NF1: variants seen among roughly 807,000 people sequenced by gnomAD.
The protein encoded by NF1 is neurofibromin 1, also known as neurofibromin.
A neutral mutation model predicts 325.7 loss-of-function variants in NF1; 122 were observed. The ratio of observed to expected loss-of-function variants is 0.37; its 90% CI spans 0.32 to 0.44. The LOEUF (loss-of-function observed/expected upper bound fraction) is 0.44. Among genes scored for constraint, NF1 ranks in the 20% least tolerant of loss-of-function variants. NF1 has a pLI of 1.00. For synonymous variants in NF1, 1,091 were observed against 1,186.0 expected, an observed-to-expected ratio of 0.92 and a Z score of 1.65; for missense variants, 2,140 against 3,415.4, an observed-to-expected ratio of 0.63 and a Z score of 9.31.
At position 31,153,470 on chromosome 17, in the gene NF1, T is replaced by C. The variant is rs1917088219; in HGVS notation, c.61-2513T>C. Among the ~76,000 whole-genome samples the C allele has an allele frequency of 2.0e-5, 3 of 152,240 alleles. No homozygotes were observed. In the South Asian group the frequency reaches 6.2e-4, roughly 31 times the overall value. On this transcript the variant is annotated intron_variant, in intron 1 of 57. Coordinates refer to ENST00000358273, the MANE Select transcript of NF1 (RefSeq NM_001042492.3). ...ATTCATCTGCAAATTGCAATGAGCA[T>C]AACTACCCTCTGTTTTGGCTAATAT...
At chr17:31,330,208 C>G in intron 38 of NF1, 88 bp from the exon 39 acceptor site, 2 of 1,069,758 alleles carry the variant, frequency 1.9e-6, no homozygotes, top group Non-Finnish European at 2.9e-6. Context: ...TACTTTGTAA[C>G]AGAATCACAA....
intron 1 of NF1, among the ~76,000 whole-genome samples, chr17:31,103,957 G>A (rs2143235256): frequency 6.6e-6 from 1 of 152,198 alleles, no homozygotes; most frequent in South Asian, 2.1e-4. Context: ...GGAAATTAAG[G>A]CTGCAGTGAG....
chr17:31,104,207 G>C (rs1025169584), intron 1 of NF1, among the ~76,000 whole-genome samples: 1 of 152,130 alleles, frequency 6.6e-6, no homozygotes, highest in Admixed American at 6.6e-5. Context: ...CATTTTTGTT[G>C]TAGCTTTCAA....
At chr17:31,193,071 T>A (rs1440735453) in intron 8 of NF1, among the ~76,000 whole-genome samples, 1 of 152,196 alleles carries the variant, frequency 6.6e-6, no homozygotes, top group Non-Finnish European at 1.5e-5. Flanking sequence ...AGCTTTTATA[T>A]TTTTATGAGG....
intron 4 of NF1, among the ~76,000 whole-genome samples, chr17:31,164,524 G>A (rs879171981): frequency 6.6e-6 from 1 of 152,168 alleles, no homozygotes; most frequent in East Asian, 1.9e-4. Context: ...GACTAATACC[G>A]AATAGAGAAA....
intron 29 of NF1, among the ~76,000 whole-genome samples, chr17:31,237,517 T>A (rs1211799327): frequency 6.6e-6 from 1 of 152,156 alleles, no homozygotes; most frequent in Non-Finnish European, 1.5e-5. Context: ...ACTAAAGAGA[T>A]CCACATGCTG....
intron 5 of NF1, among the ~76,000 whole-genome samples, chr17:31,175,107 CAAAAAAAAAAAA>C (rs1171161386): frequency 6.9e-5 from 2 of 29,032 alleles, no homozygotes; most frequent in East Asian, 1.4e-3. Context: ...GACTCCATCT[CAAAAAAAAAAAA>C]AAAAAAAAAA....
chr17:31,364,343 T>G (rs573402014), intron 57 of NF1, among the ~76,000 whole-genome samples: 1 of 152,352 alleles, frequency 6.6e-6, no homozygotes, highest in Non-Finnish European at 1.5e-5. Context: ...AAGCAAATGT[T>G]GCTGATCTGC....
chr17:31,170,109 T>C, intron 5 of NF1, 112 bp downstream of exon 5: 2 of 709,164 alleles, frequency 2.8e-6, no homozygotes, highest in Non-Finnish European at 4.9e-6. Context: ...CTGGATTTTA[T>C]AATGACATTT....
chr17:31,330,434 A>G lies in NF1; in HGVS notation c.5748A>G (p.Ala1916=). 6.2e-7 allele frequency: 1 copy of G among 1,613,982 alleles called. No individual in the cohort carries two copies. Among genetic ancestry groups the G allele is most frequent in the South Asian group, 1.1e-5 (1 of 91,072 alleles). ...TTGTCTCTATTAGTAAGACACTGGC[A>G]GCCAATGAGCCACACCTCACGTTAG... ...LFIVSISKTL[A]ANEPHLTLEF... Residue 1916 remains alanine (A), a synonymous_variant, in exon 39 of 58, where the codon GCA becomes GCG. Transcript: ENST00000358273.
intron 5 of NF1, among the ~76,000 whole-genome samples, chr17:31,177,593 A>T (rs2066047082): frequency 6.6e-6 from 1 of 152,078 alleles, no homozygotes; most frequent in Admixed American, 6.5e-5. Flanking sequence ...GCATGTTCTA[A>T]CCCAATGCAA....
chr17:31,332,494 A>G (rs1051463408), intron 39 of NF1, among the ~76,000 whole-genome samples: 1 of 152,148 alleles, frequency 6.6e-6, no homozygotes, highest in Non-Finnish European at 1.5e-5. Flanking sequence ...TAAATGAATG[A>G]ATGAATGAAT....
chr17:31,148,503 T>A (rs1297198819), intron 1 of NF1, among the ~76,000 whole-genome samples: 1 of 152,016 alleles, frequency 6.6e-6, no homozygotes, highest in African/African-American at 2.4e-5. Context: ...TGAGGATTAC[T>A]ATGGGATTGG....
At chr17:31,366,276 G>A (rs962572333) in intron 57 of NF1, among the ~76,000 whole-genome samples, 13 of 151,768 alleles carry the variant, frequency 8.6e-5, no homozygotes, top group Non-Finnish European at 1.5e-4. Flanking sequence ...ACTTTTTTTT[G>A]TTTGATCAGC....
At chr17:31,292,755 G>C (rs2068367285) in intron 36 of NF1, among the ~76,000 whole-genome samples, 1 of 152,160 alleles carries the variant, frequency 6.6e-6, no homozygotes, top group Non-Finnish European at 1.5e-5. Context: ...CTGTAGGATT[G>C]ACATAATCCA....
chr17:31,243,316 A>G (rs961604586), intron 29 of NF1, among the ~76,000 whole-genome samples: 1 of 151,762 alleles, frequency 6.6e-6, no homozygotes, highest in Admixed American at 6.6e-5. Context: ...CTGCTGCCTG[A>G]CTACCACCTA....
intron 1 of NF1, among the ~76,000 whole-genome samples, chr17:31,139,493 C>A (rs916536304): frequency 1.3e-5 from 2 of 151,490 alleles, no homozygotes; most frequent in African/African-American, 4.9e-5. Flanking sequence ...ATCATGTAGA[C>A]CTTAAATTAT....
chr17:31,305,975 T>C (rs921154047), intron 36 of NF1, among the ~76,000 whole-genome samples: 3 of 152,208 alleles, frequency 2.0e-5, no homozygotes, highest in Admixed American at 2.0e-4. Context: ...ATAGGCTCTA[T>C]ATGCTGGATC....
intron 1 of NF1, among the ~76,000 whole-genome samples, chr17:31,148,508 G>T (rs1567811015): frequency 6.6e-6 from 1 of 151,724 alleles, no homozygotes; most frequent in Non-Finnish European, 1.5e-5. Context: ...ATTACTATGG[G>T]ATTGGTCATT....
Sources: allele counts gnomAD v4.1 joint callset (sites outside exome capture counted in the v4.1 genomes callset), GRCh38; gene constraint gnomAD v4.1.1; transcripts MANE v1.5; gene names NCBI Gene and HGNC (gene_info 2026-07-23, HGNC 2026-07-21).